The following PIP4K2A variants were observed in gnomAD, a reference collection of about 807,000 sequenced individuals.
PIP4K2A encodes phosphatidylinositol 5-phosphate 4-kinase type-2 alpha.
In PIP4K2A, 14 loss-of-function variants were observed where a neutral mutation model predicts 42.9. The ratio of observed to expected loss-of-function variants is 0.33; its 90% CI spans 0.22 to 0.51. The LOEUF (loss-of-function observed/expected upper bound fraction) is 0.51, where lower values mean the gene tolerates loss of function less well. Ranked by LOEUF, PIP4K2A falls within the 20% of genes least tolerant of loss-of-function variation. The pLI, the probability that PIP4K2A is intolerant of heterozygous loss-of-function variation, is 0.97. For missense variants in PIP4K2A, 434 were observed against 519.8 expected, an observed-to-expected ratio of 0.83 and a Z score of 1.61; for synonymous variants, 192 against 192.2, an observed-to-expected ratio of 1.00 and a Z score of 0.01.
chr10:22,704,307 G>A (rs1356874305), intron 1 of PIP4K2A, among the ~76,000 whole-genome samples: 1 of 152,054 alleles, frequency 6.6e-6, no homozygotes, highest in Non-Finnish European at 1.5e-5. Flanking sequence ...AAAAAAAGGA[G>A]CCCCCTGCAT....
chr10:22,640,641 T>C (rs1838762756), intron 1 of PIP4K2A, among the ~76,000 whole-genome samples: 1 of 152,148 alleles, frequency 6.6e-6, no homozygotes, highest in South Asian at 2.1e-4. Flanking sequence ...AAAGAGACAA[T>C]GATGGGCACA....
chr10:22,708,061 T>C (rs1262397372), intron 1 of PIP4K2A, among the ~76,000 whole-genome samples: 1 of 152,114 alleles, frequency 6.6e-6, no homozygotes, highest in Non-Finnish European at 1.5e-5. Flanking sequence ...CAAATCTGGT[T>C]AGGAGTGACA....
Position 22,535,592 on chromosome 10 carries a change from G to GTTTTC in PIP4K2A, c.*1604_*1608dup, listed in dbSNP as rs1835899702. The GTTTTC allele has an allele frequency of 6.6e-6, 1 of 152,010 alleles. No homozygotes were observed. Among genetic ancestry groups the GTTTTC allele is most frequent in the Admixed American group, 6.6e-5 (1 of 15,256 alleles). 9.4% of individuals were successfully genotyped at this position (152,010 alleles called of 1,614,324 possible). A position where few individuals can be genotyped will look rare whatever the true frequency, so the allele number is the denominator to read the frequency against. ...TTAAAGGGTCGATTTTTGTTTGTTTGTTTTCTTTTCTGAAACTGCCCACAA... is the reference window on the plus strand; with the variant it reads ...TTAAAGGGTCGATTTTTGTTTGTTTGTTTTCTTTTCTTTTCTGAAACTGCCCACAA... On this transcript the variant is annotated 3_prime_UTR_variant, in exon 10 of 10. Transcript: ENST00000376573.
At chr10:22,559,436 AT>A (rs1320935387) in intron 6 of PIP4K2A, among the ~76,000 whole-genome samples, 2 of 152,240 alleles carry the variant, frequency 1.3e-5, no homozygotes, top group African/African-American at 4.8e-5. Context: ...ATGAAGCACC[AT>A]AAGCCATAAG....
chr10:22,690,299 C>A (rs779151117), intron 1 of PIP4K2A, among the ~76,000 whole-genome samples: 9 of 152,196 alleles, frequency 5.9e-5, no homozygotes, highest in Non-Finnish European at 8.8e-5. Context: ...CAAGGTCACA[C>A]AGCTAATAAG....
chr10:22,703,525 A>G (rs1470110312), intron 1 of PIP4K2A, among the ~76,000 whole-genome samples: 1 of 152,268 alleles, frequency 6.6e-6, no homozygotes, highest in Non-Finnish European at 1.5e-5. Context: ...AGCGCAGGGC[A>G]GCTGGAACAT....
At chr10:22,687,997 T>C (rs1337485062) in intron 1 of PIP4K2A, among the ~76,000 whole-genome samples, 2 of 152,014 alleles carry the variant, frequency 1.3e-5, no homozygotes, top group Non-Finnish European at 2.9e-5. Context: ...ACCTCAAATA[T>C]ACAGAGTAAA....
intron 6 of PIP4K2A, among the ~76,000 whole-genome samples, chr10:22,559,176 T>C (rs544246218): frequency 6.6e-6 from 1 of 152,336 alleles, no homozygotes; most frequent in Non-Finnish European, 1.5e-5. Flanking sequence ...AGATCTCTGG[T>C]TTAATACTAC....
Position 22,535,573 on chromosome 10 carries a change from G to C in PIP4K2A, c.*1628C>G, listed in dbSNP as rs1835899163. On this transcript the variant is annotated 3_prime_UTR_variant, in exon 10 of 10. Transcript: ENST00000376573. ...GTTGAGTTGCAAGTAATAATTAAAG[G>C]GTCGATTTTTGTTTGTTTGTTTTCT... 6.6e-6 allele frequency: 1 copy of C among 152,202 alleles called. No individual in the cohort carries two copies. Among genetic ancestry groups the C allele is most frequent in the Admixed American group, 6.5e-5 (1 of 15,276 alleles). 9.4% of individuals were successfully genotyped at this position (152,202 alleles called of 1,614,324 possible).
chr10:22,610,949 T>C (rs916256190), intron 1 of PIP4K2A, among the ~76,000 whole-genome samples: 11 of 152,338 alleles, frequency 7.2e-5, no homozygotes, highest in African/African-American at 2.4e-4. Flanking sequence ...GACTAATTAA[T>C]ATTTTCAAGA....
intron 1 of PIP4K2A, among the ~76,000 whole-genome samples, chr10:22,688,837 G>GT (rs1839808366): frequency 6.6e-6 from 1 of 152,096 alleles, no homozygotes; most frequent in South Asian, 2.1e-4. Context: ...ACAATTAGTG[G>GT]TTTATTATTA....
In PIP4K2A at chr10:22,706,802, A is replaced by G. The variant is rs372202106; in HGVS notation, c.144+7381T>C. On this transcript the variant is annotated intron_variant, in intron 1 of 9. Coordinates refer to ENST00000376573, the MANE Select transcript of PIP4K2A (RefSeq NM_005028.5). ...GGAAGTGTGAAAAATACAAGAAAGA[A>G]CATAACAAAATAGATACAGAAAGCA... Among the ~76,000 whole-genome samples, 7 of 152,354 alleles carry G rather than the reference A, an allele frequency of 4.6e-5. No individual in the cohort carries two copies. In the East Asian group the frequency reaches 1.3e-3, roughly 29 times the overall value.
chr10:22,548,399 AATTAC>A (rs1241218485), intron 7 of PIP4K2A, among the ~76,000 whole-genome samples: 1 of 152,216 alleles, frequency 6.6e-6, no homozygotes, highest in Admixed American at 6.5e-5. Context: ...GAACTGCTTG[AATTAC>A]ATTATTTCTG....
At chr10:22,619,871 A>G (rs1215482039) in intron 1 of PIP4K2A, among the ~76,000 whole-genome samples, 1 of 152,242 alleles carries the variant, frequency 6.6e-6, no homozygotes, top group Non-Finnish European at 1.5e-5. Context: ...TAGAAAAGAA[A>G]TGCTTTTTTT....
At chr10:22,637,704 G>C (rs1838697952) in intron 1 of PIP4K2A, among the ~76,000 whole-genome samples, 1 of 152,200 alleles carries the variant, frequency 6.6e-6, no homozygotes, top group Non-Finnish European at 1.5e-5. Flanking sequence ...AAAGGCTGCA[G>C]CAACCATGCT....
intron 4 of PIP4K2A, among the ~76,000 whole-genome samples, chr10:22,582,569 AG>A (rs1837304018): frequency 6.6e-6 from 1 of 152,252 alleles, no homozygotes; most frequent in East Asian, 1.9e-4. Context: ...GCATCAAATT[AG>A]TACTTCAATG....
At chr10:22,651,350 G>A (rs1458606391) in intron 1 of PIP4K2A, among the ~76,000 whole-genome samples, 1 of 152,172 alleles carries the variant, frequency 6.6e-6, no homozygotes, top group Non-Finnish European at 1.5e-5. Context: ...ATTGCTCTTA[G>A]GAAAAATCCT....
chr10:22,622,526 C>T (rs11819355), intron 1 of PIP4K2A, among the ~76,000 whole-genome samples: 2 of 152,262 alleles, frequency 1.3e-5, no homozygotes, highest in Non-Finnish European at 2.9e-5. Context: ...CACCTTTGGC[C>T]TGGGTCACTC....
intron 1 of PIP4K2A, among the ~76,000 whole-genome samples, chr10:22,610,265 C>T (rs549774666): frequency 1.3e-5 from 2 of 152,152 alleles, no homozygotes; most frequent in Non-Finnish European, 2.9e-5. Context: ...AGGAAGAAGA[C>T]ACGTGGTCCC....
Sources: allele counts gnomAD v4.1 joint callset (sites outside exome capture counted in the v4.1 genomes callset), GRCh38; gene constraint gnomAD v4.1.1; transcripts MANE v1.5; gene names NCBI Gene and HGNC (gene_info 2026-07-23, HGNC 2026-07-21).